The following SHISA9 variants were observed in gnomAD, a reference collection of about 807,000 sequenced individuals.
The protein encoded by SHISA9 is protein shisa-9.
A neutral mutation model predicts 38.0 loss-of-function variants in SHISA9; 13 were observed. The observed-to-expected ratio is 0.34, with a 90% CI of 0.22 to 0.54. The LOEUF (loss-of-function observed/expected upper bound fraction) is 0.54. Among genes scored for constraint, SHISA9 ranks in the 20% least tolerant of loss-of-function variants. The probability of loss-of-function intolerance (pLI) is 0.91; values close to 1 mark genes in which losing one functional copy is unlikely to be tolerated. For synonymous variants in SHISA9, 275 were observed against 242.0 expected (o/e 1.14, Z -1.27); for missense variants, 538 against 575.8 (o/e 0.93, Z 0.67).
intron 2 of SHISA9, among the ~76,000 whole-genome samples, chr16:13,077,228 C>T (rs534239896): frequency 6.7e-6 from 1 of 148,334 alleles, no homozygotes; most frequent in East Asian, 1.9e-4. Flanking sequence ...TTTTTCACTT[C>T]TTCTTCTTCT....
At chr16:13,399,882 A>G in the SHISA9 span, among the ~76,000 whole-genome samples, 1 of 152,238 alleles carries the variant, frequency 6.6e-6, no homozygotes, top group African/African-American at 2.4e-5. Flanking sequence ...GCATGAATGT[A>G]GAAGATACTT....
chr16:13,334,281 G>A, the SHISA9 span, among the ~76,000 whole-genome samples: 1 of 152,318 alleles, frequency 6.6e-6, no homozygotes, highest in East Asian at 1.9e-4. Context: ...TGGTGCAGAT[G>A]TCTGGAGTTT....
intron 2 of SHISA9, among the ~76,000 whole-genome samples, chr16:13,112,705 A>T (rs1009493713): frequency 2.0e-5 from 3 of 151,944 alleles, no homozygotes; most frequent in South Asian, 2.1e-4. Context: ...TCTTATTTGG[A>T]TGCTTCTCAG....
chr16:13,324,873 C>G, the SHISA9 span, among the ~76,000 whole-genome samples: 1 of 152,188 alleles, frequency 6.6e-6, no homozygotes, highest in Non-Finnish European at 1.5e-5. Context: ...AGTTCAGCCT[C>G]AGAAGGCAGG....
At chr16:13,034,621 T>G (rs1308351857) in intron 2 of SHISA9, among the ~76,000 whole-genome samples, 1 of 152,100 alleles carries the variant, frequency 6.6e-6, no homozygotes, top group Non-Finnish European at 1.5e-5. Context: ...CATGTGACTT[T>G]GCAGTTTCCA....
chr16:13,045,208 C>G (rs981487288), intron 2 of SHISA9, among the ~76,000 whole-genome samples: 1 of 152,166 alleles, frequency 6.6e-6, no homozygotes, highest in Non-Finnish European at 1.5e-5. Context: ...CTAATAATGG[C>G]CAAACTTCAT....
At chr16:13,521,968 G>C in the SHISA9 span, among the ~76,000 whole-genome samples, 4 of 152,090 alleles carry the variant, frequency 2.6e-5, no homozygotes, top group African/African-American at 7.2e-5. Flanking sequence ...TATTATTTTT[G>C]CATGAAGCCC....
chr16:13,092,988 A>G (rs569784155), intron 2 of SHISA9, among the ~76,000 whole-genome samples: 70 of 152,318 alleles, frequency 4.6e-4, no homozygotes, highest in Admixed American at 1.2e-3. Context: ...TTTAAACATT[A>G]TATGACCATT....
the SHISA9 span, among the ~76,000 whole-genome samples, chr16:13,408,149 A>G: frequency 6.6e-6 from 1 of 152,326 alleles, no homozygotes; most frequent in South Asian, 2.1e-4. Context: ...ATCTCTAGAT[A>G]GAAGTCTTAT....
the SHISA9 span, among the ~76,000 whole-genome samples, chr16:13,469,079 T>G: frequency 2.6e-5 from 4 of 151,024 alleles, no homozygotes; most frequent in Admixed American, 1.3e-4. Flanking sequence ...CCATCTCTAC[T>G]AAAAATATAA....
chr16:13,382,073 T>C, the SHISA9 span, among the ~76,000 whole-genome samples: 1 of 152,172 alleles, frequency 6.6e-6, no homozygotes, highest in African/African-American at 2.4e-5. Context: ...AGGGACGGTA[T>C]GGGTAAACAG....
chr16:13,516,171 T>G, the SHISA9 span, among the ~76,000 whole-genome samples: 4 of 152,144 alleles, frequency 2.6e-5, no homozygotes, highest in African/African-American at 9.7e-5. Context: ...ACCACAGAGC[T>G]AATGGAGGGT....
At chr16:13,352,075 T>C in the SHISA9 span, among the ~76,000 whole-genome samples, 1 of 152,232 alleles carries the variant, frequency 6.6e-6, no homozygotes, top group Admixed American at 6.5e-5. Flanking sequence ...ATGTGATAGC[T>C]GAAGGAGGGC....
At chr16:13,172,797 G>A (rs954399708) in intron 2 of SHISA9, among the ~76,000 whole-genome samples, 9 of 147,688 alleles carry the variant, frequency 6.1e-5, no homozygotes, top group Admixed American at 2.8e-4. Context: ...AGTGGGCCAC[G>A]AGAGAGGAGG....
At chr16:12,960,297 T>A (rs1048399372) in intron 2 of SHISA9, among the ~76,000 whole-genome samples, 1 of 152,174 alleles carries the variant, frequency 6.6e-6, no homozygotes, top group Non-Finnish European at 1.5e-5. Flanking sequence ...ATTTTATTAT[T>A]TTTTTTAAGT....
At chr16:13,472,377 A>AGTT in the SHISA9 span, among the ~76,000 whole-genome samples, 38 of 55,468 alleles carry the variant, frequency 6.9e-4, 1 homozygote, top group Middle Eastern at 0.019. Flanking sequence ...GCTCTGCTAA[A>AGTT]TTTTTTTTTT....
At chr16:13,485,074 T>C in the SHISA9 span, among the ~76,000 whole-genome samples, 1 of 152,072 alleles carries the variant, frequency 6.6e-6, no homozygotes, top group African/African-American at 2.4e-5. Context: ...ATGCAGAATG[T>C]GCATGTTTGT....
At chr16:13,332,636 G>C in the SHISA9 span, 1 of 152,166 alleles carries the variant, frequency 6.6e-6, no homozygotes, top group African/African-American at 2.4e-5. Flanking sequence ...GCACTGTTCA[G>C]ACAGGACCTC....
intron 4 of SHISA9, among the ~76,000 whole-genome samples, chr16:13,234,477 G>A (rs1422212955): frequency 6.6e-6 from 1 of 152,202 alleles, no homozygotes; most frequent in African/African-American, 2.4e-5. Flanking sequence ...AGGTGTCACA[G>A]TTGAAATGTG....
Sources: gnomAD v4.1 joint callset for allele counts (sites outside exome capture counted in the v4.1 genomes callset) on GRCh38, gnomAD v4.1.1 for gene constraint, MANE v1.5 for transcripts, NCBI Gene and HGNC (gene_info 2026-07-23, HGNC 2026-07-21) for gene names.